The following PDCL2 variants were observed in gnomAD, a reference collection of about 807,000 sequenced individuals.
PDCL2 encodes the protein phosducin-like protein 2.
Under a neutral mutation model 30.3 loss-of-function variants are expected in PDCL2, and 23 were observed. The observed-to-expected ratio is 0.76, with a 90% confidence interval of 0.55 to 1.08. The LOEUF (loss-of-function observed/expected upper bound fraction) is 1.08, where lower values mean the gene tolerates loss of function less well. Ranked by LOEUF, PDCL2 falls within the 50% of genes least tolerant of loss-of-function variation. The pLI is 0.00. For missense variants in PDCL2, 243 were observed against 282.3 expected, an observed-to-expected ratio of 0.86 and a Z score of 1.00; for synonymous variants, 68 against 86.2, an observed-to-expected ratio of 0.79 and a Z score of 1.17.
At chr4:55,563,820 T>G (rs1010581380) in intron 4 of PDCL2, among the ~76,000 whole-genome samples, 1 of 152,174 alleles carries the variant, frequency 6.6e-6, no homozygotes. Flanking sequence ...GAGGCCTGGA[T>G]AGCAAAAGTG....
At chr4:55,563,861 A>G (rs1415881639) in intron 4 of PDCL2, among the ~76,000 whole-genome samples, 1 of 152,248 alleles carries the variant, frequency 6.6e-6, no homozygotes, top group Admixed American at 6.5e-5. Context: ...CCTTACAGGT[A>G]GCAGCCCTCA....
chr4:55,574,641 T>TA (rs1732514673), intron 3 of PDCL2, among the ~76,000 whole-genome samples: 1 of 152,164 alleles, frequency 6.6e-6, no homozygotes, highest in Non-Finnish European at 1.5e-5. Flanking sequence ...CACTCCACAA[T>TA]AAACCCATAT....
chr4:55,580,409 G>A (rs1461008810), intron 3 of PDCL2, among the ~76,000 whole-genome samples: 1 of 152,148 alleles, frequency 6.6e-6, no homozygotes, highest in African/African-American at 2.4e-5. Flanking sequence ...TTTTAGTTGT[G>A]AAGTAAGTTG....
intron 3 of PDCL2, among the ~76,000 whole-genome samples, chr4:55,573,754 C>T (rs1379761991): frequency 1.3e-5 from 2 of 151,222 alleles, no homozygotes; most frequent in African/African-American, 4.9e-5. Context: ...CTGTCCTCCT[C>T]TCCCCCACAA....
At chr4:55,591,957 A>C (rs1733014496) in intron 1 of PDCL2, 147 bp downstream of exon 1, 4 of 1,099,152 alleles carry the variant, frequency 3.6e-6, no homozygotes, top group Non-Finnish European at 5.2e-6. Context: ...AACTAGACAG[A>C]GAAGCACGCA....
intron 3 of PDCL2, among the ~76,000 whole-genome samples, chr4:55,573,873 A>G (rs1732493397): frequency 6.7e-6 from 1 of 149,900 alleles, no homozygotes; most frequent in Non-Finnish European, 1.5e-5. Flanking sequence ...ACTTTAGCTT[A>G]TCACTAGTTT....
chr4:55,591,449 T>C (rs2899038), intron 1 of PDCL2, among the ~76,000 whole-genome samples: 121,032 of 152,172 alleles, frequency 0.8, 48,274 homozygotes, highest in East Asian at 0.9. Context: ...AGTGCAGTGG[T>C]GCAATCTCGG....
At chr4:55,592,071 T>C (rs56098774) in intron 1 of PDCL2, 33 bp downstream of exon 1, 65 of 1,608,336 alleles carry the variant, frequency 4.0e-5, no homozygotes, top group Non-Finnish European at 5.3e-5. Context: ...CCACTGGGTG[T>C]TCCAGGGTGG....
Position 55,573,659 on chromosome 4 carries a change from G to A in PDCL2, c.219-3798C>T, listed in dbSNP as rs1191897427. Reference sequence around the variant, plus strand: ...CCAGCTACTCCAGAGACTGAGGTAGGATAATCACTTGAGCCCAGGAGACAG... The same window carrying A: ...CCAGCTACTCCAGAGACTGAGGTAGAATAATCACTTGAGCCCAGGAGACAG... On this transcript the variant is annotated intron_variant, in intron 3 of 5. Transcript: ENST00000295645. 3.3e-5 allele frequency among the ~76,000 whole-genome samples: 5 copies of A among 151,924 alleles called. No individual in the cohort carries two copies. The East Asian group carries it at 9.7e-4, about 29-fold the overall frequency.
At chr4:55,572,460 G>C (rs368773016) in intron 3 of PDCL2, among the ~76,000 whole-genome samples, 4 of 152,128 alleles carry the variant, frequency 2.6e-5, no homozygotes, top group South Asian at 4.1e-4. Flanking sequence ...CTGAGAATCA[G>C]AAAGCCAGTG....
In PDCL2 at chr4:55,576,530, T is replaced by A. The variant is rs530260911; in HGVS notation, c.218+4291A>T. ...TGACACTAACAAATAAGGAGAAGGATGGAGATGTGTTTACATGCTATTGAC... is the reference window on the plus strand; with the variant it reads ...TGACACTAACAAATAAGGAGAAGGAAGGAGATGTGTTTACATGCTATTGAC... On this transcript the variant is annotated intron_variant, in intron 3 of 5. Transcript: ENST00000295645. Among the ~76,000 whole-genome samples the A allele has an allele frequency of 1.2e-4, 19 of 152,332 alleles. No individual in the cohort carries two copies. In the South Asian group the frequency reaches 3.5e-3, roughly 28 times the overall value.
intron 4 of PDCL2, 26 bp downstream of exon 4, chr4:55,569,692 A>G (rs1298467422): frequency 6.8e-7 from 1 of 1,467,500 alleles, no homozygotes; most frequent in Non-Finnish European, 9.1e-7. Flanking sequence ...TAGTATATTA[A>G]CATTTTGAAA....
At chr4:55,585,167 G>T (rs572052101) in intron 1 of PDCL2, among the ~76,000 whole-genome samples, 18 of 152,096 alleles carry the variant, frequency 1.2e-4, no homozygotes, top group Admixed American at 6.6e-4. Flanking sequence ...AGAGATAATG[G>T]CTTGTAATTT....
chr4:55,575,786 G>C (rs1301606684), intron 3 of PDCL2, among the ~76,000 whole-genome samples: 1 of 152,144 alleles, frequency 6.6e-6, no homozygotes, highest in East Asian at 1.9e-4. Flanking sequence ...AATGCTGAGA[G>C]AAAACAACTG....
intron 5 of PDCL2, among the ~76,000 whole-genome samples, chr4:55,558,125 C>CAAA (rs34621105): frequency 1.6e-5 from 2 of 122,068 alleles, no homozygotes; most frequent in Non-Finnish European, 3.3e-5. Flanking sequence ...GACTCCGTCT[C>CAAA]AAAAAAAAAA....
At chr4:55,564,672 G>A (rs1231010358) in intron 4 of PDCL2, among the ~76,000 whole-genome samples, 1 of 152,112 alleles carries the variant, frequency 6.6e-6, no homozygotes, top group Non-Finnish European at 1.5e-5. Flanking sequence ...TCCCTCTAAG[G>A]CACCTTAAGG....
chr4:55,568,374 C>T (rs1732324590), intron 4 of PDCL2, among the ~76,000 whole-genome samples: 1 of 152,122 alleles, frequency 6.6e-6, no homozygotes, highest in Non-Finnish European at 1.5e-5. Flanking sequence ...AATTAACTGT[C>T]TTGGAGGAAT....
intron 3 of PDCL2, among the ~76,000 whole-genome samples, chr4:55,574,432 C>G (rs2110161059): frequency 6.6e-6 from 1 of 152,174 alleles, no homozygotes; most frequent in Admixed American, 6.5e-5. Flanking sequence ...AATGACTCAC[C>G]CCTAAAATGT....
At chr4:55,575,037 G>A (rs1188706628) in intron 3 of PDCL2, among the ~76,000 whole-genome samples, 3 of 152,178 alleles carry the variant, frequency 2.0e-5, no homozygotes, top group African/African-American at 7.2e-5. Flanking sequence ...AATTCAAAGG[G>A]TTCCAATCCT....
Sources: allele counts gnomAD v4.1 joint callset (sites outside exome capture counted in the v4.1 genomes callset), GRCh38; gene constraint gnomAD v4.1.1; transcripts MANE v1.5; gene names NCBI Gene and HGNC (gene_info 2026-07-23, HGNC 2026-07-21).